The following ST3GAL6 variants were observed in gnomAD, a reference collection of about 807,000 sequenced individuals.
ST3GAL6 encodes the protein type 2 lactosamine alpha-2,3-sialyltransferase.
A neutral mutation model predicts 40.5 loss-of-function variants in ST3GAL6; 31 were observed. The ratio of observed to expected loss-of-function variants is 0.77; its 90% CI spans 0.58 to 1.03. The LOEUF (loss-of-function observed/expected upper bound fraction) is 1.03. Ranked by LOEUF, ST3GAL6 falls within the 50% of genes least tolerant of loss-of-function variation. The pLI, the probability that ST3GAL6 is intolerant of heterozygous loss-of-function variation, is 0.00. For synonymous variants in ST3GAL6, 129 were observed against 136.9 expected (o/e 0.94, Z 0.40); for missense variants, 357 against 393.2 (o/e 0.91, Z 0.78).
intron 1 of ST3GAL6, chr3:98,732,893 G>T: frequency 6.6e-7 from 1 of 1,509,138 alleles, no homozygotes; most frequent in East Asian, 2.6e-5. Flanking sequence ...AGAGGCAGCA[G>T]CCGGCTGGAG....
rs1462358752 is a variant in ST3GAL6 at position 98,740,774 on chromosome 3, CTG to C, written c.-12+8244_-12+8245del. The stretch of plus-strand genomic sequence containing the variant: ...ATCTGCCACTATTACTATTATAACT[CTG>C]TTTTTATAGCTATTATGACAATTCT... On this transcript the variant is annotated intron_variant, in intron 1 of 9. Coordinates refer to the ST3GAL6 transcript ENST00000265261. 3.3e-5 allele frequency among the ~76,000 whole-genome samples: 5 copies of C among 152,252 alleles called. No individual in the cohort carries two copies. The East Asian group carries it at 9.6e-4, about 29-fold the overall frequency.
At chr3:98,779,300 A>T (rs187051025) in intron 5 of ST3GAL6, among the ~76,000 whole-genome samples, 63 of 152,280 alleles carry the variant, frequency 4.1e-4, no homozygotes, top group Admixed American at 5.9e-4. Flanking sequence ...TTGCCCAGGG[A>T]TGGGTCACAT....
intron 1 of ST3GAL6, among the ~76,000 whole-genome samples, chr3:98,741,647 A>G (rs1936096876): frequency 6.6e-6 from 1 of 152,178 alleles, no homozygotes; most frequent in African/African-American, 2.4e-5. Flanking sequence ...CCTATGGCTT[A>G]TATATTTATA....
In ST3GAL6 at chr3:98,794,822, C is replaced by G. The variant is rs1941478201; in HGVS notation, c.*1061C>G. On this transcript the variant is annotated 3_prime_UTR_variant, in exon 10 of 10. Transcript: ENST00000483910. ...GGCTGAGGCACGAGAATTGCTTGAGCCCGGGAGGCAGAGGTTGCAGTGAGC... is the reference window on the plus strand; with the variant it reads ...GGCTGAGGCACGAGAATTGCTTGAGGCCGGGAGGCAGAGGTTGCAGTGAGC... 6.6e-6 allele frequency: 1 copy of G among 152,340 alleles called. No individual in the cohort carries two copies. Among genetic ancestry groups the G allele is most frequent in the African/African-American group, 2.4e-5 (1 of 41,432 alleles). 9.4% of individuals were successfully genotyped at this position (152,340 alleles called of 1,614,324 possible).
At chr3:98,733,204 A>G (rs1935197620) in intron 1 of ST3GAL6, 1 of 936,056 alleles carries the variant, frequency 1.1e-6, no homozygotes, top group Non-Finnish European at 1.3e-6. Context: ...TAAAGGGACC[A>G]TGGGCGCTGG....
intron 1 of ST3GAL6, among the ~76,000 whole-genome samples, chr3:98,753,572 G>A (rs1051221034): frequency 6.6e-6 from 1 of 152,172 alleles, no homozygotes; most frequent in African/African-American, 2.4e-5. Context: ...AGCTTCAAAG[G>A]GCTGGCTCAC....
chr3:98,787,972 A>T (rs890696004), intron 6 of ST3GAL6, 64 bp from the exon 7 acceptor site: 6 of 1,448,056 alleles, frequency 4.1e-6, no homozygotes, highest in Non-Finnish European at 5.7e-6. Context: ...ACCTCTGAGA[A>T]CTGTGATGGG....
At chr3:98,767,709 A>C (rs974448311) in intron 1 of ST3GAL6, among the ~76,000 whole-genome samples, 1 of 152,228 alleles carries the variant, frequency 6.6e-6, no homozygotes, top group Admixed American at 6.5e-5. Context: ...TAGGTTTTTA[A>C]AATATATTCT....
At chr3:98,742,784 C>T (rs961979216) in intron 1 of ST3GAL6, among the ~76,000 whole-genome samples, 2 of 151,148 alleles carry the variant, frequency 1.3e-5, no homozygotes, top group East Asian at 3.9e-4. Context: ...CAGCAACCTC[C>T]GCCTCCTGGG....
intron 5 of ST3GAL6, chr3:98,782,226 A>G (rs1389128612): frequency 2.8e-6 from 2 of 703,038 alleles, no homozygotes; most frequent in South Asian, 1.5e-5. Flanking sequence ...GCCCAGGACC[A>G]TGAGGCTTCC....
intron 1 of ST3GAL6, chr3:98,733,630 A>C: frequency 1.0e-6 from 1 of 984,450 alleles, no homozygotes; most frequent in African/African-American, 1.7e-5. Flanking sequence ...GTTAATTTTC[A>C]AGATAAGGGA....
In ST3GAL6 at chr3:98,788,484, G is replaced by A; in HGVS notation, c.756+21G>A. On this transcript the variant is annotated intron_variant, in intron 8 of 9. Coordinates refer to ENST00000483910, the MANE Select transcript of ST3GAL6 (RefSeq NM_001323368.2). ...ATCAGGTATGTATTTATCTCTGCAT[G>A]GTTTCAAACTACAGATCTGGCTGAG... The A allele has an allele frequency of 3.2e-6, 5 of 1,581,756 alleles. No individual in the cohort carries two copies. In the South Asian group the frequency reaches 4.7e-5, roughly 15 times the overall value.
At chr3:98,792,725 G>A (rs977298116) in intron 9 of ST3GAL6, among the ~76,000 whole-genome samples, 23 of 148,904 alleles carry the variant, frequency 1.5e-4, no homozygotes, top group African/African-American at 5.2e-4. Flanking sequence ...TGCCATGTTG[G>A]CCAGGCTGGT....
chr3:98,769,121 A>G (rs1189652927), intron 2 of ST3GAL6, among the ~76,000 whole-genome samples: 1 of 152,230 alleles, frequency 6.6e-6, no homozygotes, highest in Non-Finnish European at 1.5e-5. Context: ...GTGGCAGTAC[A>G]TAATTATGCT....
chr3:98,748,858 A>G (rs1422761837), intron 1 of ST3GAL6, among the ~76,000 whole-genome samples: 1 of 152,054 alleles, frequency 6.6e-6, no homozygotes, highest in African/African-American at 2.4e-5. Context: ...ATCTTTGCAA[A>G]TGCTTCTTCC....
At position 98,787,991 on chromosome 3, in the gene ST3GAL6, A is replaced by T. The variant is rs1398315983; in HGVS notation, c.432-45A>T. 1.9e-6 allele frequency: 3 copies of T among 1,547,434 alleles called. No individual in the cohort carries two copies. In the Admixed American group the frequency reaches 5.3e-5, roughly 27 times the overall value. On this transcript the variant is annotated intron_variant, in intron 6 of 9. Transcript: ENST00000483910. The stretch of plus-strand genomic sequence containing the variant: ...CTGAGAACTGTGATGGGAATGGCAG[A>T]TACTGCACTTGGTCTACATATCTTG...
At chr3:98,743,212 G>A (rs746199232) in intron 1 of ST3GAL6, among the ~76,000 whole-genome samples, 8 of 151,272 alleles carry the variant, frequency 5.3e-5, no homozygotes, top group African/African-American at 9.7e-5. Flanking sequence ...TGGAGATGGG[G>A]TTTCACCATG....
At position 98,763,450 on chromosome 3, in the gene ST3GAL6, A is replaced by G; in HGVS notation, c.-12+11A>G. ...GGTAAAGGTATGGAGGTGAGCCATGAACAAGGTTACCTGCTTAAGGGGAAG... is the reference window on the plus strand; with the variant it reads ...GGTAAAGGTATGGAGGTGAGCCATGGACAAGGTTACCTGCTTAAGGGGAAG... On this transcript the variant is annotated intron_variant, in intron 1 of 9. Coordinates refer to ENST00000483910, the MANE Select transcript of ST3GAL6 (RefSeq NM_001323368.2). 7.8e-7 allele frequency: 1 copy of G among 1,289,676 alleles called. No homozygotes were observed. Among genetic ancestry groups the G allele is most frequent in the Non-Finnish European group, 1.0e-6 (1 of 988,800 alleles). 79.9% of individuals were successfully genotyped at this position (1,289,676 alleles called of 1,614,324 possible).
chr3:98,756,608 T>C, intron 1 of ST3GAL6: 1 of 1,117,872 alleles, frequency 8.9e-7, no homozygotes, highest in Non-Finnish European at 1.1e-6. Context: ...TGTAATGTTC[T>C]TATACAATGC....
Sources: gnomAD v4.1 joint callset for allele counts (sites outside exome capture counted in the v4.1 genomes callset) on GRCh38, gnomAD v4.1.1 for gene constraint, MANE v1.5 for transcripts, NCBI Gene and HGNC (gene_info 2026-07-23, HGNC 2026-07-21) for gene names.